KCNH5: variants seen among roughly 807,000 people sequenced by gnomAD.
KCNH5 encodes voltage-gated delayed rectifier potassium channel KCNH5.
KCNH5 carries 46 observed loss-of-function variants against 96.1 expected under a neutral mutation model. That is an observed-to-expected ratio of 0.48 (90% CI 0.38 to 0.61). The LOEUF (loss-of-function observed/expected upper bound fraction) is 0.61, where lower values mean the gene tolerates loss of function less well. Ranked by LOEUF, KCNH5 falls within the 20% of genes least tolerant of loss-of-function variation. The pLI is 0.00. For missense variants in KCNH5, 907 were observed against 1,225.8 expected (o/e 0.74, Z 3.88); for synonymous variants, 439 against 449.8 (o/e 0.98, Z 0.30).
chr14:63,038,972 A>G (rs1272658668), intron 1 of KCNH5, among the ~76,000 whole-genome samples: 4 of 151,920 alleles, frequency 2.6e-5, no homozygotes, highest in African/African-American at 9.7e-5. Flanking sequence ...ATTTTCTAGA[A>G]TACTTTCTAG....
intron 5 of KCNH5, among the ~76,000 whole-genome samples, chr14:62,981,939 CTTGAG>C (rs1186102310): frequency 3.3e-5 from 5 of 152,078 alleles, no homozygotes; most frequent in Admixed American, 3.3e-4. Context: ...TTATATGAAC[CTTGAG>C]TTACACTAAT....
rs775247224 is a variant in KCNH5, at chr14:62,707,693, T to C, written c.2782A>G (p.Met928Val). 6.3e-6 allele frequency: 10 copies of C among 1,598,320 alleles called. No homozygotes were observed. In the African/African-American group the frequency reaches 1.2e-4, roughly 19 times the overall value. ...KEDIQLLSCR[M>V]TALEKQVAEI... ...GCCACCTGCTTTTCTAGGGCAGTCA[T>C]TCTGCAGCTGAGCAGCTGGATGTCC... is the stretch of plus-strand genomic sequence containing the variant. The change falls in exon 11 of 11, where the codon ATG becomes GTG. Residue 928 changes from methionine to valine, a missense_variant. Met to Val is a conservative substitution (Grantham distance 21). Coordinates refer to ENST00000322893, the MANE Select transcript of KCNH5 (RefSeq NM_139318.5).
intron 10 of KCNH5, among the ~76,000 whole-genome samples, chr14:62,774,324 T>G (rs541766198): frequency 6.6e-6 from 1 of 152,266 alleles, no homozygotes; most frequent in Non-Finnish European, 1.5e-5. Context: ...CCCACCTTGT[T>G]AGAACAGACA....
At chr14:62,784,242 A>G (rs1163550940) in intron 9 of KCNH5, among the ~76,000 whole-genome samples, 2 of 152,172 alleles carry the variant, frequency 1.3e-5, no homozygotes, top group African/African-American at 2.4e-5. Context: ...AGATTTATAC[A>G]CTACCATGAG....
chr14:62,853,353 G>A (rs1887846068), intron 7 of KCNH5, among the ~76,000 whole-genome samples: 1 of 149,360 alleles, frequency 6.7e-6, no homozygotes, highest in African/African-American at 2.5e-5. Context: ...ATGAGATAAC[G>A]CATATAAAAA....
At chr14:62,785,159 A>G (rs553310261) in intron 9 of KCNH5, among the ~76,000 whole-genome samples, 2 of 152,338 alleles carry the variant, frequency 1.3e-5, no homozygotes, top group South Asian at 4.1e-4. Context: ...GAGGCAATCA[A>G]TTCACAACAA....
chr14:62,751,462 C>T (rs1885497386), intron 10 of KCNH5, among the ~76,000 whole-genome samples: 2 of 152,306 alleles, frequency 1.3e-5, no homozygotes, highest in Admixed American at 6.5e-5. Flanking sequence ...AGATCTCAGG[C>T]CCCATCACTC....
intron 1 of KCNH5, among the ~76,000 whole-genome samples, chr14:63,021,835 A>G (rs1327612733): frequency 1.3e-5 from 2 of 152,136 alleles, no homozygotes; most frequent in Non-Finnish European, 1.5e-5. Context: ...ACAGAACACC[A>G]TTCACTTGTT....
intron 10 of KCNH5, among the ~76,000 whole-genome samples, chr14:62,714,562 T>C (rs1471566320): frequency 6.6e-6 from 1 of 152,176 alleles, no homozygotes; most frequent in African/African-American, 2.4e-5. Flanking sequence ...GCTAATTCAA[T>C]ATGTAATTTA....
chr14:62,858,270 G>A (rs145038625), intron 7 of KCNH5, among the ~76,000 whole-genome samples: 69 of 152,294 alleles, frequency 4.5e-4, no homozygotes, highest in East Asian at 3.9e-3. Context: ...TCAGCAGGTC[G>A]TGTTTTTTCC....
In KCNH5 at chr14:62,932,415, G is replaced by A. The variant is rs146740207; in HGVS notation, c.1369+17718C>T. Among the ~76,000 whole-genome samples the A allele has an allele frequency of 3.0e-3, 429 of 145,388 alleles. 8 individuals carry two copies. Among genetic ancestry groups the A allele is most frequent in the Admixed American group, 0.025 (360 of 14,396 alleles). ...AGAAGGATTAGAAATTGGAATACAC[G>A]AAAACTTCTAGACCATAGAGTAAAA... On this transcript the variant is annotated intron_variant, in intron 7 of 10. Transcript: ENST00000322893.
intron 10 of KCNH5, among the ~76,000 whole-genome samples, chr14:62,718,031 T>C (rs1016766835): frequency 1.1e-4 from 17 of 152,106 alleles, no homozygotes; most frequent in African/African-American, 4.1e-4. Context: ...AATCAAATAC[T>C]GCATGGTCTC....
At chr14:62,815,972 A>C (rs895768784) in intron 8 of KCNH5, among the ~76,000 whole-genome samples, 1 of 151,928 alleles carries the variant, frequency 6.6e-6, no homozygotes, top group East Asian at 1.9e-4. Flanking sequence ...TATATTTTTT[A>C]TATTACTTCT....
intron 7 of KCNH5, among the ~76,000 whole-genome samples, chr14:62,931,777 G>C (rs1440202979): frequency 6.6e-6 from 1 of 152,146 alleles, no homozygotes; most frequent in Non-Finnish European, 1.5e-5. Flanking sequence ...TACCCCTCCA[G>C]ATGCCTTCCC....
chr14:63,006,867 C>T (rs1013612138), intron 2 of KCNH5, among the ~76,000 whole-genome samples: 16 of 152,194 alleles, frequency 1.1e-4, no homozygotes, highest in Admixed American at 4.6e-4. Flanking sequence ...GGAAACAGCA[C>T]GGCTGTTACT....
intron 3 of KCNH5, among the ~76,000 whole-genome samples, chr14:63,002,805 G>A (rs1055399188): frequency 1.3e-5 from 2 of 152,134 alleles, no homozygotes; most frequent in Admixed American, 6.5e-5. Flanking sequence ...GGGGGCCTAT[G>A]GAAGGACGTG....
intron 8 of KCNH5, among the ~76,000 whole-genome samples, chr14:62,831,548 T>C (rs553395333): frequency 5.3e-5 from 8 of 152,344 alleles, no homozygotes; most frequent in African/African-American, 1.7e-4. Context: ...GTATCTCTTG[T>C]CTATGTTTCT....
intron 10 of KCNH5, among the ~76,000 whole-genome samples, chr14:62,735,805 G>C (rs1464877135): frequency 1.3e-5 from 2 of 152,154 alleles, no homozygotes; most frequent in African/African-American, 2.4e-5. Flanking sequence ...ATGGTTATTA[G>C]GATGGACCCT....
At chr14:62,940,156 G>A (rs74058723) in intron 7 of KCNH5, among the ~76,000 whole-genome samples, 2,353 of 152,086 alleles carry the variant, frequency 0.015, 57 homozygotes, top group African/African-American at 0.054. Context: ...CACAGACCAC[G>A]TGCCAAATCT....
Sources: gnomAD v4.1 joint callset for allele counts (sites outside exome capture counted in the v4.1 genomes callset) on GRCh38, gnomAD v4.1.1 for gene constraint, MANE v1.5 for transcripts, NCBI Gene and HGNC (gene_info 2026-07-23, HGNC 2026-07-21) for gene names.